DNAH14: variants seen among roughly 807,000 people sequenced by gnomAD.
The protein encoded by DNAH14 is axonemal beta dynein heavy chain 14.
Under a neutral mutation model 520.9 loss-of-function variants are expected in DNAH14, and 478 were observed. The ratio of observed to expected loss-of-function variants is 0.92; its 90% CI spans 0.85 to 0.99. The LOEUF (loss-of-function observed/expected upper bound fraction) is 0.99, where lower values mean the gene tolerates loss of function less well. DNAH14 is among the 50% of genes least tolerant of loss of function. DNAH14 has a pLI of 0.00. For synonymous variants in DNAH14, 1,581 were observed against 1,757.2 expected, an observed-to-expected ratio of 0.90 and a Z score of 2.51; for missense variants, 4,831 against 5,234.5, an observed-to-expected ratio of 0.92 and a Z score of 2.38.
chr1:225,231,829 C>A (rs1472753650), intron 42 of DNAH14, among the ~76,000 whole-genome samples: 1 of 144,620 alleles, frequency 6.9e-6, no homozygotes, highest in Non-Finnish European at 1.5e-5. Context: ...ATTGGTTTCC[C>A]CAATTTTTTC....
intron 23 of DNAH14, among the ~76,000 whole-genome samples, chr1:225,106,676 T>C (rs940046612): frequency 6.6e-6 from 1 of 152,244 alleles, no homozygotes; most frequent in Non-Finnish European, 1.5e-5. Flanking sequence ...TTGAATCGGC[T>C]ACTGAGGCTT....
intron 42 of DNAH14, among the ~76,000 whole-genome samples, chr1:225,234,494 G>T (rs1402256022): frequency 1.3e-5 from 2 of 152,104 alleles, no homozygotes; most frequent in Non-Finnish European, 2.9e-5. Flanking sequence ...GGCCAGCTTT[G>T]TTCTTTTTTC....
intron 36 of DNAH14, among the ~76,000 whole-genome samples, chr1:225,184,878 A>G (rs1271155192): frequency 6.6e-6 from 1 of 151,952 alleles, no homozygotes; most frequent in Non-Finnish European, 1.5e-5. Flanking sequence ...CACTCACACC[A>G]CTCTTATGCA....
intron 69 of DNAH14, among the ~76,000 whole-genome samples, chr1:225,343,921 T>C (rs2095243061): frequency 6.6e-6 from 1 of 152,188 alleles, no homozygotes; most frequent in Non-Finnish European, 1.5e-5. Flanking sequence ...GAACCACTCT[T>C]ATAACAAGTC....
intron 10 of DNAH14, among the ~76,000 whole-genome samples, chr1:225,019,027 A>G (rs1275243760): frequency 6.6e-6 from 1 of 152,218 alleles, no homozygotes; most frequent in African/African-American, 2.4e-5. Context: ...CTACATAACA[A>G]CAAGCTAATA....
chr1:225,267,102 G>A, intron 49 of DNAH14, among the ~76,000 whole-genome samples: 1 of 151,954 alleles, frequency 6.6e-6, no homozygotes, highest in East Asian at 1.9e-4. Context: ...ATTTTAGTTA[G>A]TTGTGAGAAA....
intron 8 of DNAH14, among the ~76,000 whole-genome samples, chr1:224,986,579 A>G (rs2125725393): frequency 6.6e-6 from 1 of 152,300 alleles, no homozygotes; most frequent in East Asian, 1.9e-4. Context: ...CAAAAACCAT[A>G]TGATCATTTC....
chr1:225,350,018 A>G (rs1333802259), intron 71 of DNAH14, among the ~76,000 whole-genome samples: 1 of 152,182 alleles, frequency 6.6e-6, no homozygotes, highest in Non-Finnish European at 1.5e-5. Context: ...GTGCACAAAA[A>G]CATTCCCCAG....
chr1:224,991,798 T>C (rs368962851), intron 8 of DNAH14, among the ~76,000 whole-genome samples: 1 of 152,208 alleles, frequency 6.6e-6, no homozygotes, highest in Non-Finnish European at 1.5e-5. Flanking sequence ...CAGTCTATCA[T>C]TGATGGACAT....
chr1:225,398,528 T>A lies in DNAH14; in HGVS notation c.13500T>A (p.Ala4500=), dbSNP rs375100667. 1 of 1,551,614 alleles carries A rather than the reference T, an allele frequency of 6.4e-7. No homozygotes were observed. The highest frequency in any genetic ancestry group is 1.4e-5 in the African/African-American group (1 of 73,060). The change falls in exon 85 of 86, where the codon GCT becomes GCA. Residue 4500 remains alanine, a synonymous_variant. Transcript: ENST00000682510. ...CCTCTCTTCCATCTTAGGGCTCAGC[T>A]TCCTCTCACACTGGAGTTTACATTT... ...NIVRRAFKGS[A]SSHTGVYIFG... is the part of the protein sequence containing the mutation.
At chr1:225,394,279 T>C (rs867184113) in intron 84 of DNAH14, among the ~76,000 whole-genome samples, 1 of 152,212 alleles carries the variant, frequency 6.6e-6, no homozygotes. Context: ...GAAGTTCTTG[T>C]GTATTCTGAA....
chr1:225,225,114 A>G (rs1289882254), intron 41 of DNAH14, among the ~76,000 whole-genome samples: 1 of 152,168 alleles, frequency 6.6e-6, no homozygotes, highest in Non-Finnish European at 1.5e-5. Context: ...AATTGGAGAA[A>G]TGTACCTAAA....
intron 54 of DNAH14, among the ~76,000 whole-genome samples, chr1:225,285,917 A>G (rs2093729959): frequency 6.6e-6 from 1 of 152,210 alleles, no homozygotes; most frequent in Non-Finnish European, 1.5e-5. Context: ...TATTGTACAT[A>G]TATACCACAT....
intron 56 of DNAH14, among the ~76,000 whole-genome samples, chr1:225,301,954 G>T (rs942741167): frequency 1.3e-5 from 2 of 151,626 alleles, no homozygotes; most frequent in African/African-American, 4.8e-5. Flanking sequence ...CTTGTGCCTT[G>T]TTACTATATT....
chr1:225,309,108 G>T (rs2094305963), intron 60 of DNAH14, among the ~76,000 whole-genome samples: 1 of 152,162 alleles, frequency 6.6e-6, no homozygotes, highest in African/African-American at 2.4e-5. Flanking sequence ...GGTTTATTAT[G>T]AATAACAGTG....
chr1:225,368,092 CCTA>C (rs2095575387), intron 77 of DNAH14, 60 bp downstream of exon 77: 3 of 1,364,354 alleles, frequency 2.2e-6, no homozygotes, highest in East Asian at 5.0e-5. Flanking sequence ...AAATTGAGAG[CCTA>C]CTATGTGCCT....
At chr1:224,976,659 C>T (rs997446355) in intron 8 of DNAH14, among the ~76,000 whole-genome samples, 8 of 150,368 alleles carry the variant, frequency 5.3e-5, no homozygotes, top group African/African-American at 2.0e-4. Context: ...CAAACAACCC[C>T]ATCAAAAAGT....
Position 225,085,789 on chromosome 1 carries a change from G to T in DNAH14, c.3573G>T (p.Lys1191Asn), listed in dbSNP as rs1200720518. The part of the protein sequence containing the change: ...IKGSPHIGPI[K>N]DLVNEWDQNL... ...GATCTCCCCACATTGGGCCCATTAA[G>T]GTAAGTATTATGGCAAAGGAAAAAT... Residue 1191 changes from lysine (K) to asparagine (N), a missense_variant and splice_region_variant, in exon 21 of 86, where the codon AAG becomes AAT. Lys to Asn is a moderately conservative substitution (Grantham distance 94). Coordinates refer to ENST00000682510, the MANE Select transcript of DNAH14 (RefSeq NM_001367479.1). 6.5e-6 allele frequency: 10 copies of T among 1,533,662 alleles called. No individual in the cohort carries two copies. In the South Asian group the frequency reaches 1.1e-4, roughly 17 times the overall value.
chr1:225,256,452 A>T (rs557740344), intron 44 of DNAH14, among the ~76,000 whole-genome samples: 1 of 152,282 alleles, frequency 6.6e-6, no homozygotes, highest in East Asian at 1.9e-4. Flanking sequence ...TAAATAAAAT[A>T]AAATAAAATG....
Sources: allele counts gnomAD v4.1 joint callset (sites outside exome capture counted in the v4.1 genomes callset), GRCh38; gene constraint gnomAD v4.1.1; transcripts MANE v1.5; gene names NCBI Gene and HGNC (gene_info 2026-07-23, HGNC 2026-07-21).